Variants in TEK observed in about 807,000 individuals in gnomAD.
TEK encodes TEK receptor tyrosine kinase.
Under a neutral mutation model 131.8 loss-of-function variants are expected in TEK, and 43 were observed. The ratio of observed to expected loss-of-function variants is 0.33; its 90% CI spans 0.26 to 0.42. The LOEUF is 0.42. TEK is among the 10% of genes least tolerant of loss of function. TEK has a pLI of 1.00. For missense variants in TEK, 1,162 were observed against 1,384.4 expected, an observed-to-expected ratio of 0.84 and a Z score of 2.55; for synonymous variants, 580 against 491.6, an observed-to-expected ratio of 1.18 and a Z score of -2.38.
chr9:27,218,630 T>TACACTGTGTGCA, intron 19 of TEK, 147 bp from the exon 20 acceptor site: 1 of 792,510 alleles, frequency 1.3e-6, no homozygotes, highest in South Asian at 1.4e-5. Context: ...GAGAGAAACC[T>TACACTGTGTGCA]ACACTGTGTG....
chr9:27,175,919 T>C (rs920192302), intron 6 of TEK, among the ~76,000 whole-genome samples: 1 of 152,168 alleles, frequency 6.6e-6, no homozygotes, highest in Admixed American at 6.5e-5. Flanking sequence ...TTGTGAAAAT[T>C]TTCTCCCATT....
intron 6 of TEK, 85 bp downstream of exon 6, chr9:27,173,447 A>G: frequency 6.4e-7 from 1 of 1,562,310 alleles, no homozygotes. Context: ...ACAACATCGG[A>G]TATACCTGGA....
In TEK at chr9:27,109,281, G is replaced by A; in HGVS notation, c.-310G>A. On this transcript the variant is annotated 5_prime_UTR_variant, in exon 1 of 23. Transcript: ENST00000380036. ...GCAGAAGCAACAGCAACAGATAAGT[G>A]TTTTGATGAATTGCGAGATGGATAG... 1.9e-6 allele frequency: 1 copy of A among 539,540 alleles called. No individual in the cohort carries two copies. Among genetic ancestry groups the A allele is most frequent in the South Asian group, 3.0e-5 (1 of 33,178 alleles). The allele number at this position is 539,540 out of a possible 1,614,324, so 33.4% of individuals were successfully genotyped here. A position where few individuals can be genotyped will look rare whatever the true frequency, so the allele number is the denominator to read the frequency against.
intron 9 of TEK, among the ~76,000 whole-genome samples, chr9:27,186,452 C>A (rs1824602755): frequency 6.6e-6 from 1 of 152,138 alleles, no homozygotes; most frequent in Non-Finnish European, 1.5e-5. Context: ...TAGTTGCTAT[C>A]CTGTATTGTT....
At chr9:27,114,819 G>A (rs73440262) in intron 1 of TEK, among the ~76,000 whole-genome samples, 3,188 of 152,136 alleles carry the variant, frequency 0.021, 101 homozygotes, top group African/African-American at 0.062. Context: ...CTTAAGATGA[G>A]GTATTGTATG....
chr9:27,120,228 C>T (rs1022867154), intron 1 of TEK, among the ~76,000 whole-genome samples: 2 of 152,210 alleles, frequency 1.3e-5, no homozygotes, highest in African/African-American at 4.8e-5. Flanking sequence ...GAAGTGTACT[C>T]AAGTCATACC....
Position 27,158,111 on chromosome 9 carries a change from C to G in TEK, c.333C>G (p.Ile111Met). The change falls in exon 2 of 23, where the codon ATC (isoleucine) becomes ATG (methionine). Residue 111 changes from isoleucine to methionine, a missense_variant. Physicochemically the swap from Ile to Met is conservative, Grantham distance 10. Around this residue, in one of 6 missense-constraint regions of TEK, gnomAD observed 436 missense variants for 539.1 expected, o/e 0.81. Coordinates refer to ENST00000380036, the MANE Select transcript of TEK (RefSeq NM_000459.5). ...FCEGRVRGEA[I>M]RIRTMKMRQQ... ...AAGGGCGAGTTCGAGGAGAGGCAATCAGGATACGAACCATGAAGATGCGTC... is the reference window on the plus strand; with the variant it reads ...AAGGGCGAGTTCGAGGAGAGGCAATGAGGATACGAACCATGAAGATGCGTC... 1 of 1,614,128 alleles carries G rather than the reference C, an allele frequency of 6.2e-7. No homozygotes were observed. The highest frequency in any genetic ancestry group is 1.1e-5 in the South Asian group (1 of 91,042).
chr9:27,189,524 G>C (rs1824728475), intron 9 of TEK, among the ~76,000 whole-genome samples: 2 of 152,132 alleles, frequency 1.3e-5, no homozygotes, highest in South Asian at 4.1e-4. Context: ...TCTTTGAGAT[G>C]GGGAGATTGT....
At chr9:27,162,384 GCAT>G (rs1823578003) in intron 2 of TEK, among the ~76,000 whole-genome samples, 1 of 152,146 alleles carries the variant, frequency 6.6e-6, no homozygotes, top group African/African-American at 2.4e-5. Flanking sequence ...TTTATCAATG[GCAT>G]CATCCAAAAT....
chr9:27,127,343 T>G (rs1164945394), intron 1 of TEK, among the ~76,000 whole-genome samples: 2 of 152,258 alleles, frequency 1.3e-5, no homozygotes, highest in Admixed American at 6.5e-5. Context: ...CCATGGTATA[T>G]ATGTGCCACA....
Position 27,172,708 on chromosome 9 carries a change from A to T in TEK, c.721A>T (p.Ile241Phe). 1 of 1,613,722 alleles carries T rather than the reference A, an allele frequency of 6.2e-7. No individual in the cohort carries two copies. Among genetic ancestry groups the T allele is most frequent in the Non-Finnish European group, 8.5e-7 (1 of 1,179,706 alleles). The change falls in exon 5 of 23, where the codon ATT becomes TTT. Residue 241 changes from isoleucine to phenylalanine, a missense_variant. Ile to Phe is a conservative substitution (Grantham distance 21, BLOSUM62 0). Around this residue, in one of 6 missense-constraint regions of TEK, gnomAD observed 436 missense variants for 539.1 expected, o/e 0.81. Transcript: ENST00000380036. ...GVCHEDTGEC[I>F]CPPGFMGRTC... ...CTGCCATGAAGATACTGGAGAATGC[A>T]TTTGCCCTCCTGGGTTTATGGGAAG...
At chr9:27,214,228 A>G (rs947514756) in intron 18 of TEK, among the ~76,000 whole-genome samples, 3 of 152,268 alleles carry the variant, frequency 2.0e-5, no homozygotes, top group Admixed American at 6.5e-5. Context: ...CTAGAATCAC[A>G]TAGTCCTAGA....
At chr9:27,208,050 C>G (rs80319101) in intron 15 of TEK, among the ~76,000 whole-genome samples, 14,017 of 152,072 alleles carry the variant, frequency 0.092, 686 homozygotes, top group African/African-American at 0.12. Flanking sequence ...GATTTTCTAC[C>G]TTGTGCCCAT....
intron 6 of TEK, among the ~76,000 whole-genome samples, chr9:27,174,815 G>A (rs930979971): frequency 6.6e-6 from 1 of 152,070 alleles, no homozygotes; most frequent in Non-Finnish European, 1.5e-5. Context: ...CAGGCAGGGG[G>A]CAGATCCCTT....
chr9:27,116,116 GC>G (rs1295644290), intron 1 of TEK, among the ~76,000 whole-genome samples: 1 of 152,160 alleles, frequency 6.6e-6, no homozygotes, highest in Non-Finnish European at 1.5e-5. Flanking sequence ...AGGTGAAACT[GC>G]AGGAGTTAGT....
intron 18 of TEK, among the ~76,000 whole-genome samples, chr9:27,216,061 G>A (rs912689388): frequency 6.6e-6 from 1 of 152,188 alleles, no homozygotes; most frequent in Non-Finnish European, 1.5e-5. Flanking sequence ...GTGTATTGCA[G>A]AGAGGAAGGG....
chr9:27,119,636 C>G (rs760778754), intron 1 of TEK, among the ~76,000 whole-genome samples: 57 of 152,134 alleles, frequency 3.7e-4, no homozygotes, highest in Non-Finnish European at 6.5e-4. Context: ...GGGGAGATTC[C>G]TCTCTGTTGC....
chr9:27,118,181 G>A (rs1238305753), intron 1 of TEK, among the ~76,000 whole-genome samples: 2 of 152,128 alleles, frequency 1.3e-5, no homozygotes, highest in Non-Finnish European at 2.9e-5. Context: ...AAGAGTACCA[G>A]TAATAACAAA....
chr9:27,120,307 C>A (rs539950050), intron 1 of TEK, among the ~76,000 whole-genome samples: 1 of 152,354 alleles, frequency 6.6e-6, no homozygotes, highest in South Asian at 2.1e-4. Context: ...GTTTCTCTTT[C>A]TAGCATGCCC....
Sources: allele counts gnomAD v4.1 joint callset (sites outside exome capture counted in the v4.1 genomes callset), GRCh38; gene constraint gnomAD v4.1.1; regional missense constraint gnomAD v4.1.1; transcripts MANE v1.5; gene names NCBI Gene and HGNC (gene_info 2026-07-23, HGNC 2026-07-21).